AUTS2: variants seen among roughly 807,000 people sequenced by gnomAD.
The protein encoded by AUTS2 is autism susceptibility gene 2 protein.
In AUTS2, 17 loss-of-function variants were observed where a neutral mutation model predicts 112.4. The ratio of observed to expected loss-of-function variants is 0.15; its 90% CI spans 0.10 to 0.23. The LOEUF is 0.23. Ranked by LOEUF, AUTS2 falls within the 10% of genes least tolerant of loss-of-function variation. AUTS2 has a pLI of 1.00. For synonymous variants in AUTS2, 751 were observed against 702.7 expected, an observed-to-expected ratio of 1.07 and a Z score of -1.09; for missense variants, 1,510 against 1,701.6, an observed-to-expected ratio of 0.89 and a Z score of 1.98.
intron 5 of AUTS2, among the ~76,000 whole-genome samples, chr7:70,663,748 C>T (rs1477077528): frequency 6.6e-6 from 1 of 152,036 alleles, no homozygotes; most frequent in African/African-American, 2.4e-5. Flanking sequence ...AGTTGCTTAC[C>T]TGAGACAACA....
chr7:70,114,512 G>T (rs1285172301), intron 2 of AUTS2, among the ~76,000 whole-genome samples: 1 of 152,212 alleles, frequency 6.6e-6, no homozygotes, highest in Admixed American at 6.5e-5. Context: ...ACTATATTCA[G>T]CTGGGCGTGG....
Position 69,870,687 on chromosome 7 carries a change from A to G in AUTS2, c.310-28599A>G, listed in dbSNP as rs566664047. ...GGTTAACTTAATCAGGACAGACTGTATAAGTTACAGGGCCCAGTGCAGAAT... is the reference window on the plus strand; with the variant it reads ...GGTTAACTTAATCAGGACAGACTGTGTAAGTTACAGGGCCCAGTGCAGAAT... On this transcript the variant is annotated intron_variant, in intron 1 of 18. Transcript: ENST00000342771. Among the ~76,000 whole-genome samples the G allele has an allele frequency of 5.0e-3, 755 of 152,030 alleles. 4 individuals are homozygous for G. Among genetic ancestry groups the G allele is most frequent in the African/African-American group, 0.014 (590 of 41,486 alleles).
chr7:70,735,966 GA>G (rs1563161590), intron 6 of AUTS2, among the ~76,000 whole-genome samples: 1 of 152,156 alleles, frequency 6.6e-6, no homozygotes, highest in African/African-American at 2.4e-5. Flanking sequence ...TGACAGTGGG[GA>G]TGGATAAAAT....
chr7:69,877,258 C>A (rs1387528778), intron 1 of AUTS2, among the ~76,000 whole-genome samples: 1 of 152,062 alleles, frequency 6.6e-6, no homozygotes, highest in Non-Finnish European at 1.5e-5. Context: ...GTGTGAAAAG[C>A]CTTCTGCCAC....
intron 1 of AUTS2, among the ~76,000 whole-genome samples, chr7:69,709,906 C>A (rs868678688): frequency 6.6e-6 from 1 of 152,124 alleles, no homozygotes; most frequent in African/African-American, 2.4e-5. Flanking sequence ...ATGTCACCCC[C>A]CCTTTTTAGT....
At chr7:70,543,035 A>G (rs1800616118) in intron 5 of AUTS2, among the ~76,000 whole-genome samples, 1 of 152,170 alleles carries the variant, frequency 6.6e-6, no homozygotes. Flanking sequence ...CTCTAGCTAA[A>G]AAGGAACATG....
intron 4 of AUTS2, among the ~76,000 whole-genome samples, chr7:70,400,521 C>T (rs573444183): frequency 1.6e-4 from 24 of 152,122 alleles, no homozygotes; most frequent in Non-Finnish European, 3.4e-4. Context: ...AGAAAGCATA[C>T]ATGGGAAGAT....
intron 1 of AUTS2, among the ~76,000 whole-genome samples, chr7:69,792,232 GT>G (rs148860619): frequency 2.7e-5 from 4 of 146,814 alleles, no homozygotes; most frequent in East Asian, 4.0e-4. Context: ...TTAAGTTGTT[GT>G]TTTTTTTTTG....
At chr7:69,852,450 T>G (rs59143317) in intron 1 of AUTS2, among the ~76,000 whole-genome samples, 4,679 of 152,042 alleles carry the variant, frequency 0.031, 260 homozygotes, top group African/African-American at 0.11. Context: ...TTCTTTTTTT[T>G]CGAGACAGAA....
intron 2 of AUTS2, among the ~76,000 whole-genome samples, chr7:69,939,643 T>A (rs1796546908): frequency 6.6e-6 from 1 of 152,182 alleles, no homozygotes; most frequent in Admixed American, 6.5e-5. Context: ...TAATTTAAAA[T>A]TACACTCTTG....
At chr7:69,849,514 AC>A (rs1197113187) in intron 1 of AUTS2, among the ~76,000 whole-genome samples, 1 of 151,844 alleles carries the variant, frequency 6.6e-6, no homozygotes, top group African/African-American at 2.4e-5. Context: ...AACTTCTACC[AC>A]CTTCCCTATC....
intron 2 of AUTS2, among the ~76,000 whole-genome samples, chr7:70,044,726 T>TA (rs1375650663): frequency 2.0e-5 from 3 of 152,176 alleles, no homozygotes; most frequent in African/African-American, 7.2e-5. Context: ...CTCATGTTGA[T>TA]AGAGTCAGAT....
chr7:70,268,374 T>A (rs1787535564), intron 4 of AUTS2, among the ~76,000 whole-genome samples: 1 of 152,202 alleles, frequency 6.6e-6, no homozygotes, highest in South Asian at 2.1e-4. Flanking sequence ...ATTTAACCCA[T>A]GGCTATTTAC....
intron 3 of AUTS2, among the ~76,000 whole-genome samples, chr7:70,121,176 G>A (rs970910549): frequency 5.9e-5 from 9 of 152,146 alleles, no homozygotes; most frequent in Middle Eastern, 3.4e-3. Flanking sequence ...CTCCTACATC[G>A]CACTATGTAC....
chr7:70,183,236 T>C (rs1809415243), intron 4 of AUTS2, among the ~76,000 whole-genome samples: 2 of 152,200 alleles, frequency 1.3e-5, no homozygotes, highest in South Asian at 2.1e-4. Flanking sequence ...ACTGCCTGTT[T>C]CTCACTCCTG....
At chr7:70,149,204 T>A (rs1807295011) in intron 4 of AUTS2, among the ~76,000 whole-genome samples, 1 of 152,050 alleles carries the variant, frequency 6.6e-6, no homozygotes, top group Non-Finnish European at 1.5e-5. Flanking sequence ...TTCCAATTTT[T>A]AATGTTGTAA....
chr7:70,268,736 T>A (rs1429112093), intron 4 of AUTS2, among the ~76,000 whole-genome samples: 2 of 152,228 alleles, frequency 1.3e-5, no homozygotes, highest in Non-Finnish European at 2.9e-5. Context: ...TGGGGTTAGT[T>A]TATTATTATT....
rs375948367 is a variant in AUTS2, at chr7:70,790,631, C to A, written c.3415C>A (p.Pro1139Thr). The A allele has an allele frequency of 6.3e-5, 102 of 1,611,698 alleles. No individual in the cohort carries two copies. Among genetic ancestry groups the A allele is most frequent in the Non-Finnish European group, 7.7e-5 (91 of 1,179,326 alleles). The change falls in exon 19 of 19, where the codon CCT (proline) becomes ACT (threonine). Residue 1139 changes from proline to threonine, a missense_variant. By Grantham distance (38) the Pro-to-Thr change is conservative. Coordinates refer to ENST00000342771, the MANE Select transcript of AUTS2 (RefSeq NM_015570.4). The surrounding 1 kb of genome is among the most constrained non-coding windows in gnomAD (Gnocchi z 7.6). Reference sequence around the variant, plus strand: ...CCACCACCACCCGCTGTCTGTGGACCCTCGGCGGGAGCACGAGCGGGGAGG... The same window carrying A: ...CCACCACCACCCGCTGTCTGTGGACACTCGGCGGGAGCACGAGCGGGGAGG... ...HHHHHPLSVD[P>T]RREHERGGHL...
chr7:69,674,986 C>G (rs1194552839), intron 1 of AUTS2, among the ~76,000 whole-genome samples: 1 of 152,206 alleles, frequency 6.6e-6, no homozygotes. Context: ...ATATGTTAGT[C>G]TGGTGTCTTT....
Sources: allele counts gnomAD v4.1 joint callset (sites outside exome capture counted in the v4.1 genomes callset), GRCh38; gene constraint gnomAD v4.1.1; non-coding constraint Gnocchi (gnomAD v3.1); transcripts MANE v1.5; gene names NCBI Gene and HGNC (gene_info 2026-07-23, HGNC 2026-07-21).